Variants in VAV2 observed in about 807,000 individuals in gnomAD.
VAV2 encodes the protein guanine nucleotide exchange factor VAV2.
A neutral mutation model predicts 132.5 loss-of-function variants in VAV2; 67 were observed. That is an observed-to-expected ratio of 0.51 (90% CI 0.42 to 0.62). The LOEUF is 0.62. Ranked by LOEUF, VAV2 falls within the 20% of genes least tolerant of loss-of-function variation. VAV2 has a pLI of 0.00. For missense variants in VAV2, 938 were observed against 1,153.6 expected (o/e 0.81, Z 2.71); for synonymous variants, 492 against 443.5 (o/e 1.11, Z -1.37).
At chr9:133,921,851 C>G (rs1840307063) in intron 2 of VAV2, among the ~76,000 whole-genome samples, 1 of 152,238 alleles carries the variant, frequency 6.6e-6, no homozygotes. Context: ...TGGAAACGAA[C>G]CGTCACAGTG....
At position 133,884,560 on chromosome 9, in the gene VAV2, C is replaced by G. The variant is rs922663299; in HGVS notation, c.322-23128G>C. 6.6e-6 allele frequency among the ~76,000 whole-genome samples: 1 copy of G among 152,144 alleles called. No individual in the cohort carries two copies. The highest frequency in any genetic ancestry group is 2.4e-5 in the African/African-American group (1 of 41,408). Reference sequence around the variant, plus strand: ...TCTCCACCCAGGCCAGCCTCTCCACCCAGGCTGGTTCCCAGGCTGTTACTT... The same window carrying G: ...TCTCCACCCAGGCCAGCCTCTCCACGCAGGCTGGTTCCCAGGCTGTTACTT... On this transcript the variant is annotated intron_variant, in intron 2 of 29. Transcript: ENST00000371850. The surrounding 1 kb of genome is among the most constrained non-coding windows in gnomAD (Gnocchi z 5.3).
At chr9:133,799,763 A>AGGG (rs1426954400) in intron 9 of VAV2, among the ~76,000 whole-genome samples, 2 of 152,182 alleles carry the variant, frequency 1.3e-5, no homozygotes, top group Non-Finnish European at 2.9e-5. Context: ...ATCGAGAAAA[A>AGGG]GGGTTTTCCC....
At chr9:133,820,897 C>T (rs1445802018) in intron 4 of VAV2, among the ~76,000 whole-genome samples, 1 of 152,214 alleles carries the variant, frequency 6.6e-6, no homozygotes, top group Non-Finnish European at 1.5e-5. Context: ...TCTCACTAGA[C>T]ATGAGCTTGA....
chr9:133,921,929 T>A (rs552374266), intron 2 of VAV2, among the ~76,000 whole-genome samples: 131 of 152,372 alleles, frequency 8.6e-4, no homozygotes, highest in African/African-American at 3.0e-3. Context: ...GTGGTTCTAA[T>A]CCCGTTGATG....
chr9:133,899,251 C>A (rs1839344792), intron 2 of VAV2, among the ~76,000 whole-genome samples: 1 of 151,620 alleles, frequency 6.6e-6, no homozygotes, highest in Non-Finnish European at 1.5e-5. Flanking sequence ...CCTGAGGAGA[C>A]CCATGGGGAG....
At chr9:133,784,215 G>A in intron 18 of VAV2, 102 bp downstream of exon 18, 2 of 1,304,686 alleles carry the variant, frequency 1.5e-6, no homozygotes, top group South Asian at 1.2e-5. Context: ...ACCCCTCAGG[G>A]CCTCCCACAG....
Position 133,807,250 on chromosome 9 carries a change from AC to A in VAV2, c.735+7del. The stretch of plus-strand genomic sequence containing the variant: ...CCTGGCATGAGCGATGGGGGCCGGG[AC>A]CCTTACCTCCAGGTTAATGAAGACA... On this transcript the variant is annotated splice_region_variant and intron_variant, in intron 8 of 29. Transcript: ENST00000371850. 6.2e-7 allele frequency: 1 copy of A among 1,608,898 alleles called. No homozygotes were observed. The highest frequency in any genetic ancestry group is 8.5e-7 in the Non-Finnish European group (1 of 1,178,552).
intron 22 of VAV2, among the ~76,000 whole-genome samples, chr9:133,778,477 C>T (rs1164059495): frequency 6.6e-6 from 1 of 152,152 alleles, no homozygotes; most frequent in African/African-American, 2.4e-5. Context: ...GCCTTGGGTG[C>T]CAGGGCAGGA....
intron 2 of VAV2, among the ~76,000 whole-genome samples, chr9:133,932,993 G>GA (rs762856497): frequency 2.8e-5 from 4 of 143,838 alleles, no homozygotes; most frequent in Non-Finnish European, 6.1e-5. Flanking sequence ...GAAGGCAGAA[G>GA]AAAAAACCCA....
rs1380543073 is a variant in VAV2 at position 133,806,063 on chromosome 9, G to A, written c.836+18C>T. 10 of 1,609,074 alleles carry A rather than the reference G, an allele frequency of 6.2e-6. No individual in the cohort carries two copies. The highest frequency in any genetic ancestry group is 8.5e-6 in the Non-Finnish European group (10 of 1,178,280). On this transcript the variant is annotated intron_variant, in intron 9 of 29. Transcript: ENST00000371850. ...ACAGGGAGGGGCCAAGGAGCCCCAG[G>A]AGCCGGCAGCCACTCACCTTTCCTT...
At chr9:133,861,249 G>A (rs890194514) in intron 3 of VAV2, 125 bp downstream of exon 3, 2 of 1,085,952 alleles carry the variant, frequency 1.8e-6, no homozygotes, top group Non-Finnish European at 2.5e-6. Flanking sequence ...ACAACACGCT[G>A]CAAATGCATG....
At chr9:133,896,951 C>T (rs573124250) in intron 2 of VAV2, among the ~76,000 whole-genome samples, 10 of 151,766 alleles carry the variant, frequency 6.6e-5, no homozygotes, top group East Asian at 3.9e-4. Context: ...AAAATTAGCC[C>T]GGCGTGGTGG....
intron 2 of VAV2, among the ~76,000 whole-genome samples, chr9:133,922,960 G>C (rs1177469867): frequency 6.6e-6 from 1 of 152,060 alleles, no homozygotes; most frequent in Non-Finnish European, 1.5e-5. Flanking sequence ...TCTCATAAGG[G>C]GTTAATATCC....
chr9:133,937,537 A>AGTGTGT (rs1554813274), intron 2 of VAV2, among the ~76,000 whole-genome samples: 2 of 99,836 alleles, frequency 2.0e-5, no homozygotes, highest in African/African-American at 5.9e-5. Flanking sequence ...AGTGTGTGTG[A>AGTGTGT]GAGTGTGTGT....
intron 2 of VAV2, among the ~76,000 whole-genome samples, chr9:133,882,573 G>A (rs73559899): frequency 0.021 from 3,204 of 152,278 alleles, 67 homozygotes; most frequent in South Asian, 0.055. Flanking sequence ...GCCATGTGAA[G>A]TCAGATCCCC....
At chr9:133,809,564 G>A (rs1002376386) in intron 6 of VAV2, among the ~76,000 whole-genome samples, 23 of 152,174 alleles carry the variant, frequency 1.5e-4, no homozygotes, top group Admixed American at 9.8e-4. Context: ...CTGTGTGCTC[G>A]GCTCCATGCA....
chr9:133,923,476 T>C (rs148493799), intron 2 of VAV2, among the ~76,000 whole-genome samples: 2,886 of 152,260 alleles, frequency 0.019, 35 homozygotes, highest in Non-Finnish European at 0.027. Context: ...TGGTGATCAT[T>C]AAAAAGTCAG....
intron 4 of VAV2, among the ~76,000 whole-genome samples, chr9:133,816,638 A>G (rs532189153): frequency 1.1e-4 from 16 of 152,260 alleles, no homozygotes; most frequent in Admixed American, 9.2e-4. Flanking sequence ...GAGGCTGAGG[A>G]AGGAGGATTG....
chr9:133,806,020 G>A (rs1358705709), intron 9 of VAV2, 61 bp downstream of exon 9: 9 of 1,538,596 alleles, frequency 5.8e-6, no homozygotes, highest in Admixed American at 3.7e-5. Context: ...AGTTCCACTT[G>A]TGTAAACTCT....
Sources: allele counts gnomAD v4.1 joint callset (sites outside exome capture counted in the v4.1 genomes callset), GRCh38; gene constraint gnomAD v4.1.1; non-coding constraint Gnocchi (gnomAD v3.1); transcripts MANE v1.5; gene names NCBI Gene and HGNC (gene_info 2026-07-23, HGNC 2026-07-21).